The following NXPE2 variants were observed in gnomAD, a reference collection of about 807,000 sequenced individuals.
NXPE2 encodes the protein NXPE family member 2.
NXPE2 carries 34 observed loss-of-function variants against 34.4 expected under a neutral mutation model. The ratio of observed to expected loss-of-function variants is 0.99; its 90% confidence interval spans 0.75 to 1.31. NXPE2 has a LOEUF of 1.31. Ranked by LOEUF, NXPE2 falls within the 40% of genes most tolerant of loss-of-function variation. The pLI is 0.00. For synonymous variants in NXPE2, 235 were observed against 231.3 expected, an observed-to-expected ratio of 1.02 and a Z score of -0.15; for missense variants, 649 against 672.5, an observed-to-expected ratio of 0.97 and a Z score of 0.39.
the NXPE2 span, among the ~76,000 whole-genome samples, chr11:114,767,488 G>A: frequency 1.6e-4 from 24 of 152,096 alleles, no homozygotes; most frequent in African/African-American, 4.6e-4. Flanking sequence ...GTTTCCATTC[G>A]CCAAATAATT....
chr11:114,700,846 G>A (rs2135565223), intron 3 of NXPE2, among the ~76,000 whole-genome samples: 1 of 152,138 alleles, frequency 6.6e-6, no homozygotes, highest in African/African-American at 2.4e-5. Context: ...ATCATTTAAA[G>A]AGACTTTGGT....
chr11:114,647,649 G>C, the NXPE2 span, among the ~76,000 whole-genome samples: 4 of 151,738 alleles, frequency 2.6e-5, no homozygotes, highest in African/African-American at 9.7e-5. Flanking sequence ...TATTTATTCT[G>C]ATTCTGTATT....
At chr11:114,696,319 G>A (rs1951251651) in intron 2 of NXPE2, among the ~76,000 whole-genome samples, 1 of 123,300 alleles carries the variant, frequency 8.1e-6, no homozygotes, top group African/African-American at 3.1e-5. Flanking sequence ...GTGACAGAGT[G>A]AGACTCCATA....
At chr11:114,660,774 G>T in the NXPE2 span, among the ~76,000 whole-genome samples, 14 of 151,842 alleles carry the variant, frequency 9.2e-5, no homozygotes, top group African/African-American at 2.9e-4. Flanking sequence ...AAAATAAAAG[G>T]CATACCATTT....
the NXPE2 span, among the ~76,000 whole-genome samples, chr11:114,795,679 C>G: frequency 6.6e-6 from 1 of 152,216 alleles, no homozygotes; most frequent in African/African-American, 2.4e-5. Context: ...GGAAACCACT[C>G]TTTTCCAGTT....
chr11:114,725,290 G>T, the NXPE2 span, among the ~76,000 whole-genome samples: 1 of 152,156 alleles, frequency 6.6e-6, no homozygotes, highest in East Asian at 1.9e-4. Flanking sequence ...TTATATAGTT[G>T]CTGCCTTGAC....
chr11:114,805,477 T>C, the NXPE2 span, among the ~76,000 whole-genome samples: 1 of 152,122 alleles, frequency 6.6e-6, no homozygotes, highest in African/African-American at 2.4e-5. Context: ...GAAAATCGGG[T>C]CACTCCTACC....
At chr11:114,701,042 C>T (rs143316485) in intron 3 of NXPE2, among the ~76,000 whole-genome samples, 10 of 152,268 alleles carry the variant, frequency 6.6e-5, no homozygotes, top group African/African-American at 2.2e-4. Flanking sequence ...TTCACCCCTA[C>T]GTCACCTTCA....
At chr11:114,568,345 A>G in the NXPE2 span, among the ~76,000 whole-genome samples, 1 of 152,122 alleles carries the variant, frequency 6.6e-6, no homozygotes, top group Non-Finnish European at 1.5e-5. Flanking sequence ...GGGGTAGTGG[A>G]AAGTCACTCT....
the NXPE2 span, among the ~76,000 whole-genome samples, chr11:114,564,102 A>G: frequency 5.9e-5 from 9 of 152,342 alleles, no homozygotes; most frequent in African/African-American, 1.9e-4. Flanking sequence ...GTATATATAT[A>G]TCATGGAATA....
the NXPE2 span, among the ~76,000 whole-genome samples, chr11:114,629,908 AC>A: frequency 6.7e-6 from 1 of 150,202 alleles, no homozygotes; most frequent in Non-Finnish European, 1.5e-5. Flanking sequence ...TCATGAGTGA[AC>A]TCCCATTCAC....
chr11:114,606,212 T>C, the NXPE2 span, among the ~76,000 whole-genome samples: 1 of 151,810 alleles, frequency 6.6e-6, no homozygotes, highest in Non-Finnish European at 1.5e-5. Context: ...ATAATACGTA[T>C]TGCCTCATGG....
chr11:114,498,208 G>T, the NXPE2 span, among the ~76,000 whole-genome samples: 6 of 151,766 alleles, frequency 4.0e-5, no homozygotes, highest in African/African-American at 1.5e-4. Context: ...GTTTACTCTG[G>T]TTTTTCCGTA....
intron 3 of NXPE2, among the ~76,000 whole-genome samples, chr11:114,701,213 C>T (rs1951358863): frequency 6.6e-6 from 1 of 152,170 alleles, no homozygotes. Context: ...AGAATTATGT[C>T]TTAAGTCTAA....
At chr11:114,680,465 A>T (rs544742493) in intron 2 of NXPE2, among the ~76,000 whole-genome samples, 26 of 152,096 alleles carry the variant, frequency 1.7e-4, no homozygotes, top group Non-Finnish European at 3.2e-4. Flanking sequence ...ACTGGTTAAA[A>T]AAAGCCTTCA....
the NXPE2 span, among the ~76,000 whole-genome samples, chr11:114,585,634 A>G: frequency 1.3e-5 from 2 of 152,116 alleles, no homozygotes; most frequent in South Asian, 4.1e-4. Context: ...TACATTCAAC[A>G]TTTAGAACAC....
the NXPE2 span, among the ~76,000 whole-genome samples, chr11:114,538,845 A>T: frequency 4.9e-4 from 75 of 152,298 alleles, no homozygotes; most frequent in African/African-American, 1.6e-3. Flanking sequence ...GGGACTGTAA[A>T]CTAGTTCAAC....
At chr11:114,609,163 T>C in the NXPE2 span, among the ~76,000 whole-genome samples, 6 of 144,584 alleles carry the variant, frequency 4.1e-5, no homozygotes, top group African/African-American at 1.0e-4. Flanking sequence ...CACTGTTACC[T>C]GGTGGATGAT....
At chr11:114,779,175 A>G in the NXPE2 span, among the ~76,000 whole-genome samples, 64 of 152,214 alleles carry the variant, frequency 4.2e-4, 1 homozygote, top group Admixed American at 4.2e-3. Context: ...CTGTGGATAT[A>G]AGAAACTTTT....
Sources: allele counts gnomAD v4.1 joint callset (sites outside exome capture counted in the v4.1 genomes callset), GRCh38; gene constraint gnomAD v4.1.1; transcripts MANE v1.5; gene names NCBI Gene and HGNC (gene_info 2026-07-23, HGNC 2026-07-21).